Variants in GBP5 observed in about 807,000 individuals in gnomAD.
GBP5 encodes the protein guanylate-binding protein 5.
GBP5 carries 48 observed loss-of-function variants against 58.2 expected under a neutral mutation model. That is an observed-to-expected ratio of 0.83 (90% confidence interval 0.65 to 1.05). GBP5 has a LOEUF of 1.05. Among genes scored for constraint, GBP5 ranks in the 50% least tolerant of loss-of-function variants. The probability of loss-of-function intolerance (pLI) is 0.00; values close to 1 mark genes in which losing one functional copy is unlikely to be tolerated. For synonymous variants in GBP5, 248 were observed against 251.8 expected, an observed-to-expected ratio of 0.98 and a Z score of 0.14; for missense variants, 714 against 686.8, an observed-to-expected ratio of 1.04 and a Z score of -0.44.
chr1:89,266,661 G>A, intron 6 of GBP5, 73 bp from the exon 7 acceptor site: 1 of 1,358,594 alleles, frequency 7.4e-7, no homozygotes, highest in Middle Eastern at 2.3e-4. Flanking sequence ...TTGAATAAAT[G>A]TCCTTCCACC....
chr1:89,264,837 T>C lies in GBP5; in HGVS notation c.998A>G (p.Tyr333Cys), dbSNP rs368074195. The C allele has an allele frequency of 2.5e-6, 4 of 1,614,110 alleles. No homozygotes were observed. The highest frequency in any genetic ancestry group is 2.2e-5 in the South Asian group (2 of 91,092). Residue 333 changes from tyrosine to cysteine, a missense_variant, in exon 8 of 12, where the codon TAT (tyrosine) becomes TGT (cysteine). Tyr to Cys is a radical substitution (Grantham distance 194). Transcript: ENST00000370459. The stretch of plus-strand genomic sequence containing the variant: ...CACTTTCTGGCCCATTTGCTGGTCA[T>C]AGTGGGCAATGGCCTTTTGCACTGC... ...SAAVQKAIAH[Y>C]DQQMGQKVQL...
In GBP5 at chr1:89,269,581, G is replaced by C; in HGVS notation, c.-19-7C>G. ...GTCTAGGATGTTACTTTGCCTGCAA[G>C]GGAACAGATGGGATAGGCTGGAATT... On this transcript the variant is annotated splice_polypyrimidine_tract_variant and splice_region_variant and intron_variant, in intron 2 of 11. Coordinates refer to ENST00000370459, the MANE Select transcript of GBP5 (RefSeq NM_052942.5). 1 of 1,559,528 alleles carries C rather than the reference G, an allele frequency of 6.4e-7. No homozygotes were observed. The highest frequency in any genetic ancestry group is 8.8e-7 in the Non-Finnish European group (1 of 1,133,632).
chr1:89,260,042 T>C lies in GBP5; in HGVS notation c.*662A>G, dbSNP rs1481513687. The stretch of plus-strand genomic sequence containing the variant: ...CTAGGTCAGCGGTCCCCCAACCTAT[T>C]TGGCATCAGGGACCAGTTTCGTGGA... On this transcript the variant is annotated 3_prime_UTR_variant, in exon 12 of 12. Coordinates refer to ENST00000370459, the MANE Select transcript of GBP5 (RefSeq NM_052942.5). 6.6e-6 allele frequency: 1 copy of C among 152,376 alleles called. No individual in the cohort carries two copies. The highest frequency in any genetic ancestry group is 1.5e-5 in the Non-Finnish European group (1 of 68,194). The allele number at this position is 152,376 out of a possible 1,614,324, so 9.4% of individuals were successfully genotyped here. A position where few individuals can be genotyped will look rare whatever the true frequency, so the allele number is the denominator to read the frequency against.
chr1:89,268,403 C>G (rs1027333634), intron 4 of GBP5, among the ~76,000 whole-genome samples: 1 of 152,176 alleles, frequency 6.6e-6, no homozygotes, highest in African/African-American at 2.4e-5. Flanking sequence ...GATTGGAACA[C>G]AAGTTCATTT....
rs1650329940 is a variant in GBP5, at chr1:89,268,841, GA to G, written c.205del (p.Ser69LeufsTer25). 3 of 1,613,896 alleles carry G rather than the reference GA, an allele frequency of 1.9e-6. No individual in the cohort carries two copies. The African/African-American group carries it at 4.0e-5, about 22-fold the overall frequency. ...TCCCTTGGTGTGAGACTGCACCGTA[GA>G]TGCAACAGAGAAGCCTGTCAGGGGG... ...AGKNKGFSVASTVQSHTKGIW... is the reference protein window; with the variant it reads ...AGKNKGFSVAXTVQSHTKGIW... On this transcript the variant is annotated frameshift_variant, in exon 4 of 12. Transcript: ENST00000370459. LOFTEE classifies it high-confidence loss of function.
intron 7 of GBP5, among the ~76,000 whole-genome samples, chr1:89,265,374 T>C (rs1650167619): frequency 6.6e-6 from 1 of 151,114 alleles, no homozygotes; most frequent in African/African-American, 2.4e-5. Context: ...TTTTTATTTA[T>C]ATATATATTT....
Position 89,256,483 on chromosome 1 carries a change from T to C in GBP5, c.*4221A>G, listed in dbSNP as rs2100709760. On this transcript the variant is annotated 3_prime_UTR_variant, in exon 12 of 12. Coordinates refer to ENST00000370459, the MANE Select transcript of GBP5 (RefSeq NM_052942.5). ...CTTGTAATTTATTTATATTGAATAT[T>C]GTACATTTTATGTTTTTTGTACTCT... 6.6e-6 allele frequency among the ~76,000 whole-genome samples: 1 copy of C among 152,364 alleles called. No homozygotes were observed. Among genetic ancestry groups the C allele is most frequent in the South Asian group, 2.1e-4 (1 of 4,832 alleles).
intron 9 of GBP5, 44 bp downstream of exon 9, chr1:89,263,692 G>C: frequency 7.2e-7 from 1 of 1,384,482 alleles, no homozygotes; most frequent in Non-Finnish European, 1.0e-6. Context: ...GTTTTACAAA[G>C]AGGTCCCTCA....
At position 89,264,718 on chromosome 1, in the gene GBP5, C is replaced by T. The variant is rs1650139779; in HGVS notation, c.1117G>A (p.Asp373Asn). 1 of 1,614,052 alleles carries T rather than the reference C, an allele frequency of 6.2e-7. No homozygotes were observed. Among genetic ancestry groups the T allele is most frequent in the Admixed American group, 1.7e-5 (1 of 60,008 alleles). The change falls in exon 8 of 12, where the codon GAT (aspartate) becomes AAT (asparagine). Residue 373 changes from aspartate to asparagine, a missense_variant. Physicochemically the swap from Asp to Asn is conservative, Grantham distance 23. Coordinates refer to ENST00000370459, the MANE Select transcript of GBP5 (RefSeq NM_052942.5). ...IEVFMKNSFK[D>N]VDQSFQKELE... is the part of the protein sequence containing the mutation. ...TCTTTCTGGAAACTTTGGTCTACATCCTTGAAAGAGTTTTTCATGAAGACT... is the reference window on the plus strand; with the variant it reads ...TCTTTCTGGAAACTTTGGTCTACATTCTTGAAAGAGTTTTTCATGAAGACT...
chr1:89,267,120 T>C lies in GBP5; in HGVS notation c.462A>G (p.Ala154=). The C allele has an allele frequency of 1.2e-6, 2 of 1,602,956 alleles. No individual in the cohort carries two copies. Among genetic ancestry groups the C allele is most frequent in the Non-Finnish European group, 1.7e-6 (2 of 1,177,280 alleles). The change falls in exon 6 of 12, where the codon GCA becomes GCG. Residue 154 remains alanine (A), a synonymous_variant. Transcript: ENST00000370459. The part of the protein sequence containing the change: ...NVTELTDLLK[A]RNSPDLDRVE... ...CCCTGTCAAGGTCGGGTGAGTTTCT[T>C]GCCTTGAGCAGATCTGTCAGTTCTG...
chr1:89,271,562 C>G (rs1650454159), intron 1 of GBP5: 1 of 152,146 alleles, frequency 6.6e-6, no homozygotes, highest in South Asian at 2.1e-4. Context: ...CCATATGATT[C>G]TAGTTTGGGT....
chr1:89,262,743 C>T lies in GBP5; in HGVS notation c.1405G>A (p.Val469Met), dbSNP rs377675257. The T allele has an allele frequency of 1.9e-6, 3 of 1,591,932 alleles. No individual in the cohort carries two copies. Among genetic ancestry groups the T allele is most frequent in the Non-Finnish European group, 2.6e-6 (3 of 1,173,942 alleles). Residue 469 changes from valine (V) to methionine (M), a missense_variant, in exon 10 of 12, where the codon GTG becomes ATG. Physicochemically the swap from Val to Met is conservative, Grantham distance 21. Transcript: ENST00000370459. ...LQKYLKSKES[V>M]SHAILQTDQA... ...TCAGTCTGTAATATTGCATGACTCA[C>T]AGACTCCTTGGACTTTAAATATTTC... is the stretch of plus-strand genomic sequence containing the variant.
Position 89,257,234 on chromosome 1 carries a change from G to T in GBP5, c.*3470C>A, listed in dbSNP as rs1649815086. Among the ~76,000 whole-genome samples, 1 of 152,102 alleles carries T rather than the reference G, an allele frequency of 6.6e-6. No homozygotes were observed. The highest frequency in any genetic ancestry group is 6.6e-5 in the Admixed American group (1 of 15,262). ...AGCAGAAGATGAAAGAGGAACAAAG[G>T]CACATCTTACATGGTGTCAGGCAAG... On this transcript the variant is annotated 3_prime_UTR_variant, in exon 12 of 12. Transcript: ENST00000370459.
intron 5 of GBP5, 91 bp from the exon 6 acceptor site, chr1:89,267,244 A>G (rs1650257696): frequency 8.9e-7 from 1 of 1,118,538 alleles, no homozygotes; most frequent in Non-Finnish European, 1.3e-6. Flanking sequence ...ATTTTCCCCT[A>G]CGAGTCTTAA....
rs1173858643 is a variant in GBP5 at position 89,263,737 on chromosome 1, T to A, written c.1361A>T (p.Gln454Leu). The change falls in exon 9 of 12, where the codon CAG becomes CTG. Residue 454 changes from glutamine (Q) to leucine (L), a missense_variant and splice_region_variant. By Grantham distance (113) the Gln-to-Leu change is moderately radical. Coordinates refer to ENST00000370459, the MANE Select transcript of GBP5 (RefSeq NM_052942.5). The part of the protein sequence containing the change: ...KYYREPRKGI[Q>L]AEEVLQKYLK... ...CACAATAGGTAGAACTAGGGATACC[T>A]GTATTCCTTTCCGAGGCTCCCGATA... 3 of 1,603,664 alleles carry A rather than the reference T, an allele frequency of 1.9e-6. No homozygotes were observed.
chr1:89,268,645 C>A (rs1650319024), intron 4 of GBP5, 84 bp downstream of exon 4: 20 of 1,471,952 alleles, frequency 1.4e-5, no homozygotes, highest in Non-Finnish European at 1.9e-5. Flanking sequence ...AGTGGAACTA[C>A]AAATTTAGAA....
chr1:89,263,907 G>T lies in GBP5; in HGVS notation c.1191C>A (p.Asn397Lys), dbSNP rs575225482. ...AGCAATAATCCGAGGATGCTTCCAG[G>T]TTCCGTTTACAAATGTCATTCTGTT... ...DAKQNDICKR[N>K]LEASSDYCSA... The change falls in exon 9 of 12, where the codon AAC becomes AAA. Residue 397 changes from asparagine to lysine, a missense_variant. By Grantham distance (94) the Asn-to-Lys change is moderately conservative (BLOSUM62 0). Coordinates refer to ENST00000370459, the MANE Select transcript of GBP5 (RefSeq NM_052942.5). 1 of 1,611,928 alleles carries T rather than the reference G, an allele frequency of 6.2e-7. No individual in the cohort carries two copies. The highest frequency in any genetic ancestry group is 2.2e-5 in the East Asian group (1 of 44,830).
intron 4 of GBP5, among the ~76,000 whole-genome samples, 196 bp from the exon 5 acceptor site, chr1:89,267,722 A>G (rs1037491010): frequency 1.3e-5 from 2 of 152,224 alleles, no homozygotes; most frequent in African/African-American, 2.4e-5. Context: ...GTCCCTCTAC[A>G]TATTTGCAAA....
chr1:89,262,269 T>C lies in GBP5; in HGVS notation c.1598A>G (p.Lys533Arg). The change falls in exon 11 of 12, where the codon AAA (lysine) becomes AGA (arginine). Residue 533 changes from lysine (K) to arginine (R), a missense_variant. Lys to Arg is a conservative substitution (Grantham distance 26). Transcript: ENST00000370459. ...CTGTTGCTCTGCCAGCCAATTTTGT[T>C]TGGCTATCTCCATTTGTCTCACTTG... ...QEQVRQMEIAKQNWLAEQQKM... is the reference protein window; with the variant it reads ...QEQVRQMEIARQNWLAEQQKM... 1 of 1,614,216 alleles carries C rather than the reference T, an allele frequency of 6.2e-7. No homozygotes were observed. Among genetic ancestry groups the C allele is most frequent in the Non-Finnish European group, 8.5e-7 (1 of 1,180,020 alleles).
Sources: allele counts gnomAD v4.1 joint callset (sites outside exome capture counted in the v4.1 genomes callset), GRCh38; gene constraint gnomAD v4.1.1; transcripts MANE v1.5; gene names NCBI Gene and HGNC (gene_info 2026-07-23, HGNC 2026-07-21).